BAIAP2L1: variants seen among roughly 807,000 people sequenced by gnomAD.
BAIAP2L1 encodes BAR/IMD domain containing adaptor protein 2 like 1.
In BAIAP2L1, 35 loss-of-function variants were observed where a neutral mutation model predicts 66.3. That is an observed-to-expected ratio of 0.53 (90% CI 0.40 to 0.70). BAIAP2L1 has a LOEUF of 0.70. BAIAP2L1 is among the 30% of genes least tolerant of loss of function. The pLI, the probability that BAIAP2L1 is intolerant of heterozygous loss-of-function variation, is 0.00. For missense variants in BAIAP2L1, 622 were observed against 656.9 expected (o/e 0.95, Z 0.58); for synonymous variants, 269 against 248.7 (o/e 1.08, Z -0.77).
chr7:98,363,882 C>T (rs574620002), intron 1 of BAIAP2L1, among the ~76,000 whole-genome samples: 5 of 152,162 alleles, frequency 3.3e-5, no homozygotes, highest in Non-Finnish European at 7.4e-5. Context: ...AATAGGACGA[C>T]TCTTGTTTTT....
intron 1 of BAIAP2L1, among the ~76,000 whole-genome samples, chr7:98,367,775 A>G (rs1802419963): frequency 6.6e-6 from 1 of 151,808 alleles, no homozygotes; most frequent in Non-Finnish European, 1.5e-5. Context: ...CTTGTGATCC[A>G]CTGCGGCCAG....
chr7:98,367,544 T>TC lies in BAIAP2L1; in HGVS notation c.52-5113_52-5112insG, dbSNP rs1802412574. ...CACCACCACACCTGGCTTTTTTTTT[T>TC]TTTTTTTGTGAGACGGAGTCTCGCT... On this transcript the variant is annotated intron_variant, in intron 1 of 13. Transcript: ENST00000005260. Among the ~76,000 whole-genome samples, 3 of 147,948 alleles carry TC rather than the reference T, an allele frequency of 2.0e-5. No individual in the cohort carries two copies. In the South Asian group the frequency reaches 6.4e-4, roughly 32 times the overall value.
At chr7:98,345,244 G>A (rs1292788702) in intron 3 of BAIAP2L1, among the ~76,000 whole-genome samples, 1 of 152,150 alleles carries the variant, frequency 6.6e-6, no homozygotes, top group Non-Finnish European at 1.5e-5. Context: ...CTTCATGAAC[G>A]GCCATCAAGA....
At chr7:98,331,521 T>G (rs1450383446) in intron 3 of BAIAP2L1, among the ~76,000 whole-genome samples, 1 of 139,270 alleles carries the variant, frequency 7.2e-6, no homozygotes, top group Non-Finnish European at 1.5e-5. Flanking sequence ...CAGGCTGGAG[T>G]GCAATGGCGT....
chr7:98,367,526 A>G (rs1584489691), intron 1 of BAIAP2L1, among the ~76,000 whole-genome samples: 1 of 131,120 alleles, frequency 7.6e-6, no homozygotes, highest in African/African-American at 2.8e-5. Flanking sequence ...GCGCACCACC[A>G]CACCTGGCTT....
intron 7 of BAIAP2L1, among the ~76,000 whole-genome samples, chr7:98,312,847 C>T (rs577184172): frequency 6.6e-6 from 1 of 152,170 alleles, no homozygotes; most frequent in Non-Finnish European, 1.5e-5. Context: ...GGGGTGAGAA[C>T]CCGCAACCCT....
At position 98,300,990 on chromosome 7, in the gene BAIAP2L1, C is replaced by T. The variant is rs916925234; in HGVS notation, c.1422+3206G>A. On this transcript the variant is annotated intron_variant, in intron 12 of 13. Coordinates refer to ENST00000005260, the MANE Select transcript of BAIAP2L1 (RefSeq NM_018842.5). ...CCTTGTCCTCACCCCATGCATCGAG[C>T]GCTCCCTGGACTCCACCCCTGCGTG... Among the ~76,000 whole-genome samples the T allele has an allele frequency of 6.6e-5, 10 of 152,176 alleles. No homozygotes were observed. The East Asian group carries it at 9.7e-4, about 15-fold the overall frequency.
At position 98,292,979 on chromosome 7, in the gene BAIAP2L1, T is replaced by TGATA; in HGVS notation, c.*541_*542insTATC. On this transcript the variant is annotated 3_prime_UTR_variant, in exon 14 of 14. Transcript: ENST00000005260. ...TGGAGGGAGGGTGGGGGTTTCTCCATCTCTGGAAGCTCTACACTTAAACAT... is the reference window on the plus strand; with the variant it reads ...TGGAGGGAGGGTGGGGGTTTCTCCATGATACTCTGGAAGCTCTACACTTAAACAT... The TGATA allele has an allele frequency of 1.7e-6, 2 of 1,193,898 alleles. No individual in the cohort carries two copies. Among genetic ancestry groups the TGATA allele is most frequent in the Non-Finnish European group, 1.0e-6 (1 of 962,662 alleles). The allele number at this position is 1,193,898 out of a possible 1,614,324, so 74.0% of individuals were successfully genotyped here. A position where few individuals can be genotyped will look rare whatever the true frequency, so the allele number is the denominator to read the frequency against.
chr7:98,341,643 G>C (rs968079079), intron 3 of BAIAP2L1, among the ~76,000 whole-genome samples: 1 of 152,116 alleles, frequency 6.6e-6, no homozygotes, highest in African/African-American at 2.4e-5. Flanking sequence ...GACCAGATAC[G>C]CGACCTCAGC....
At chr7:98,398,310 TA>T (rs1830025418) in intron 1 of BAIAP2L1, among the ~76,000 whole-genome samples, 1 of 152,096 alleles carries the variant, frequency 6.6e-6, no homozygotes. Flanking sequence ...CAGGGCTGGA[TA>T]GGGGGAAGAA....
chr7:98,392,740 C>T lies in BAIAP2L1; in HGVS notation c.51+8062G>A, dbSNP rs551798229. On this transcript the variant is annotated intron_variant, in intron 1 of 13. Coordinates refer to ENST00000005260, the MANE Select transcript of BAIAP2L1 (RefSeq NM_018842.5). ...ATGTACGGAAAAGTATCAGAAAAAG[C>T]GACAGCAATAGTTAGTGTTATCTCT... 2.7e-3 allele frequency among the ~76,000 whole-genome samples: 407 copies of T among 152,160 alleles called. 2 individuals carry two copies. The highest frequency in any genetic ancestry group is 4.2e-3 in the Non-Finnish European group (284 of 68,000).
chr7:98,315,372 A>G, intron 7 of BAIAP2L1, 88 bp downstream of exon 7: 1 of 1,235,476 alleles, frequency 8.1e-7, no homozygotes, highest in African/African-American at 1.5e-5. Context: ...CTGGGATTAC[A>G]GGCGTGGGCC....
In BAIAP2L1 at chr7:98,312,181, A is replaced by G. The variant is rs1428564482; in HGVS notation, c.723T>C (p.Asn241=). 6.2e-7 allele frequency: 1 copy of G among 1,614,086 alleles called. No homozygotes were observed. Among genetic ancestry groups the G allele is most frequent in the Admixed American group, 1.7e-5 (1 of 59,994 alleles). Residue 241 remains asparagine, a synonymous_variant, in exon 8 of 14, where the codon AAT becomes AAC. Transcript: ENST00000005260. ...CTGGGGTCTTTATTTCTTCGATCAT[A>G]TTCATGATTTTCTCTGGCACTTTGA... The part of the protein sequence containing the change: ...DAIKVPEKIM[N]MIEEIKTPAS...
chr7:98,328,140 G>GT (rs1562975041), intron 3 of BAIAP2L1, among the ~76,000 whole-genome samples: 1 of 152,010 alleles, frequency 6.6e-6, no homozygotes, highest in African/African-American at 2.4e-5. Flanking sequence ...AAAGTCAGAA[G>GT]CGACTGCTGA....
intron 2 of BAIAP2L1, among the ~76,000 whole-genome samples, chr7:98,357,424 G>T (rs183317905): frequency 1.3e-5 from 2 of 150,770 alleles, no homozygotes; most frequent in African/African-American, 4.9e-5. Context: ...AAAATTAGCC[G>T]GGCATGGTGG....
chr7:98,334,882 G>T (rs988184002), intron 3 of BAIAP2L1, among the ~76,000 whole-genome samples: 13 of 144,354 alleles, frequency 9.0e-5, no homozygotes, highest in African/African-American at 3.2e-4. Flanking sequence ...GGGCGTGGTG[G>T]CTCACGCCTG....
chr7:98,389,918 A>ATTTTTTTTTTTTTTTTTT lies in BAIAP2L1; in HGVS notation c.51+10883_51+10884insAAAAAAAAAAAAAAAAAA, dbSNP rs750099451. ...TGCACGTGTAGTCTTGGGTTAGTAA[A>ATTTTTTTTTTTTTTTTTT]TTTTTTTTTTTTTTTGAGAGGTAGT... On this transcript the variant is annotated intron_variant, in intron 1 of 13. Coordinates refer to ENST00000005260, the MANE Select transcript of BAIAP2L1 (RefSeq NM_018842.5). 1.5e-5 allele frequency among the ~76,000 whole-genome samples: 2 copies of ATTTTTTTTTTTTTTTTTT among 129,764 alleles called. 1 individual carries two copies. 85.1% of individuals were successfully genotyped at this position (129,764 alleles called of 152,430 possible).
At chr7:98,367,267 A>G (rs1802407122) in intron 1 of BAIAP2L1, among the ~76,000 whole-genome samples, 1 of 152,116 alleles carries the variant, frequency 6.6e-6, no homozygotes, top group African/African-American at 2.4e-5. Flanking sequence ...TATATTATCA[A>G]ACCCAGGAAA....
Position 98,293,230 on chromosome 7 carries a change from TTAAA to T in BAIAP2L1, c.*287_*290del. 1 of 337,218 alleles carries T rather than the reference TTAAA, an allele frequency of 3.0e-6. No individual in the cohort carries two copies. The highest frequency in any genetic ancestry group is 5.4e-6 in the Non-Finnish European group (1 of 186,580). 20.9% of individuals were successfully genotyped at this position (337,218 alleles called of 1,614,324 possible). On this transcript the variant is annotated 3_prime_UTR_variant, in exon 14 of 14. Transcript: ENST00000005260. Reference sequence around the variant, plus strand: ...GGCTGTTATTAAGGAAAAAATTCATTTAAAAAATACAGTAAAGATTGAAACCAAG... The same window carrying T: ...GGCTGTTATTAAGGAAAAAATTCATTAAATACAGTAAAGATTGAAACCAAG...
Sources: allele counts gnomAD v4.1 joint callset (sites outside exome capture counted in the v4.1 genomes callset), GRCh38; gene constraint gnomAD v4.1.1; transcripts MANE v1.5; gene names NCBI Gene and HGNC (gene_info 2026-07-23, HGNC 2026-07-21).